RGS12: variants seen among roughly 807,000 people sequenced by gnomAD.
The protein encoded by RGS12 is regulator of G protein signaling 12, also known as regulator of G-protein signaling 12.
RGS12 carries 66 observed loss-of-function variants against 120.1 expected under a neutral mutation model. That is an observed-to-expected ratio of 0.55 (90% CI 0.45 to 0.67). The LOEUF (loss-of-function observed/expected upper bound fraction) is 0.67. Among genes scored for constraint, RGS12 ranks in the 30% least tolerant of loss-of-function variants. RGS12 has a pLI of 0.00. For missense variants in RGS12, 1,859 were observed against 1,957.7 expected, an observed-to-expected ratio of 0.95 and a Z score of 0.95; for synonymous variants, 827 against 804.7, an observed-to-expected ratio of 1.03 and a Z score of -0.47.
intron 2 of RGS12, chr4:3,342,528 A>G: frequency 1.5e-6 from 2 of 1,292,506 alleles, no homozygotes; most frequent in Non-Finnish European, 2.0e-6. Flanking sequence ...CTTTGCTGAA[A>G]ACCTGCCTTC....
intron 4 of RGS12, among the ~76,000 whole-genome samples, chr4:3,393,922 G>T (rs1719782594): frequency 6.6e-6 from 1 of 152,168 alleles, no homozygotes; most frequent in Non-Finnish European, 1.5e-5. Context: ...CCTCTCCCCA[G>T]GCCCGTCCCT....
chr4:3,288,823 TCAGGGGCCC>T (rs1486918280), upstream of RGS12, among the ~76,000 whole-genome samples: 1 of 152,174 alleles, frequency 6.6e-6, no homozygotes, highest in Non-Finnish European at 1.5e-5. This position sits in a 1 kb window ranked among gnomAD's most constrained non-coding sequence, Gnocchi z 5.2. Context: ...GCTGGGGGCC[TCAGGGGCCC>T]CAGGTCCCAG....
chr4:3,393,977 C>A (rs1460579345), intron 4 of RGS12, among the ~76,000 whole-genome samples: 1 of 152,124 alleles, frequency 6.6e-6, no homozygotes, highest in Non-Finnish European at 1.5e-5. Context: ...GGGGAAATGG[C>A]TGGAATTTGG....
At chr4:3,418,756 C>T (rs1210879619) in intron 9 of RGS12, 1 of 152,200 alleles carries the variant, frequency 6.6e-6, no homozygotes, top group Non-Finnish European at 1.5e-5. Flanking sequence ...CGGAGGCCAC[C>T]TGGGAGATGG....
chr4:3,371,945 G>A (rs576650672), intron 3 of RGS12, among the ~76,000 whole-genome samples: 5 of 152,154 alleles, frequency 3.3e-5, no homozygotes, highest in African/African-American at 7.2e-5. Flanking sequence ...AAGAGCACGC[G>A]GGGGAGCTGC....
intron 2 of RGS12, among the ~76,000 whole-genome samples, chr4:3,334,147 A>G (rs527896792): frequency 6.6e-6 from 1 of 152,366 alleles, no homozygotes. Context: ...CTCTTATGAT[A>G]TGTGGAAGTA....
chr4:3,380,834 G>A (rs1157258491), intron 3 of RGS12, among the ~76,000 whole-genome samples: 1 of 152,198 alleles, frequency 6.6e-6, no homozygotes, highest in African/African-American at 2.4e-5. Flanking sequence ...GATGAGAGGG[G>A]CTGCCCCAAA....
chr4:3,362,365 G>A (rs1433739472), intron 3 of RGS12, among the ~76,000 whole-genome samples: 1 of 152,100 alleles, frequency 6.6e-6, no homozygotes, highest in African/African-American at 2.4e-5. Context: ...GAGGGTGTGT[G>A]TGAGGGTGTC....
In RGS12 at chr4:3,302,598, A is replaced by G. The variant is rs1367368039; in HGVS notation, c.-102+9499A>G. Among the ~76,000 whole-genome samples, 3 of 152,068 alleles carry G rather than the reference A, an allele frequency of 2.0e-5. No homozygotes were observed. The East Asian group carries it at 5.8e-4, about 29-fold the overall frequency. Reference sequence around the variant, plus strand: ...AGAAGTGGTTCCTCCTGCCCCTTGCACGGGGGCCTGTGTGTGTGCCCACAG... The same window carrying G: ...AGAAGTGGTTCCTCCTGCCCCTTGCGCGGGGGCCTGTGTGTGTGCCCACAG... On this transcript the variant is annotated intron_variant, in intron 1 of 17. Coordinates refer to ENST00000336727, the MANE Select transcript of RGS12 (RefSeq NM_001394154.1).
At chr4:3,293,479 G>T (rs1302331820) in intron 1 of RGS12, among the ~76,000 whole-genome samples, 1 of 151,576 alleles carries the variant, frequency 6.6e-6, no homozygotes, top group Non-Finnish European at 1.5e-5. Flanking sequence ...AGATGCGCCC[G>T]GGAGCGCTGG....
At chr4:3,286,664 CAG>C in the RGS12 span, among the ~76,000 whole-genome samples, 1 of 152,204 alleles carries the variant, frequency 6.6e-6, no homozygotes, top group Non-Finnish European at 1.5e-5. Context: ...GAATGAGGGT[CAG>C]GGGCAGGAAA....
At chr4:3,287,643 T>C in the RGS12 span, among the ~76,000 whole-genome samples, 1 of 152,250 alleles carries the variant, frequency 6.6e-6, no homozygotes, top group Non-Finnish European at 1.5e-5. Context: ...GGTGACAACG[T>C]CCCTAATTGC....
upstream of RGS12, among the ~76,000 whole-genome samples, chr4:3,292,810 C>T (rs1015216013): frequency 1.4e-3 from 209 of 152,276 alleles, 1 homozygote; most frequent in Middle Eastern, 3.4e-3. Flanking sequence ...AGGCCCCGTC[C>T]CTCGCTTCTT....
At chr4:3,294,824 C>T (rs147684089) in intron 1 of RGS12, among the ~76,000 whole-genome samples, 1,572 of 152,284 alleles carry the variant, frequency 0.01, 22 homozygotes, top group Middle Eastern at 0.034. Flanking sequence ...GAGGGAGGAG[C>T]GACAGGGCAG....
chr4:3,363,278 T>C (rs2108853786), intron 3 of RGS12, among the ~76,000 whole-genome samples: 1 of 152,292 alleles, frequency 6.6e-6, no homozygotes, highest in Non-Finnish European at 1.5e-5. Flanking sequence ...AGTGGCATTA[T>C]GTTAAAATGG....
chr4:3,425,344 G>A lies in RGS12; in HGVS notation c.3235-120G>A, dbSNP rs557110366. 1.7e-4 allele frequency: 147 copies of A among 874,642 alleles called. No individual in the cohort carries two copies. In the South Asian group the frequency reaches 1.9e-3, roughly 11 times the overall value. The allele number at this position is 874,642 out of a possible 1,614,324, so 54.2% of individuals were successfully genotyped here. A position where few individuals can be genotyped will look rare whatever the true frequency, so the allele number is the denominator to read the frequency against. ...CTCAGTCAGGCAGGCCTCACCTCGG[G>A]GCCATCTCCTGCGTGACTCCATCAA... On this transcript the variant is annotated intron_variant, in intron 13 of 17. Transcript: ENST00000336727.
Position 3,423,544 on chromosome 4 carries a change from T to G in RGS12, c.3137T>G (p.Val1046Gly). ...GATCTTGTTCCGATTAACCGGTCAG[T>G]GGGACTCAAGGCCAAGCCCACCAAG... ...RLDLVPINRS[V>G]GLKAKPTKPV... Residue 1046 changes from valine (V) to glycine (G), a missense_variant, in exon 13 of 18, where the codon GTG becomes GGG. Val to Gly is a moderately radical substitution (Grantham distance 109). This residue lies in a region of RGS12 where 375 missense variants were observed against 475.0 expected (regional missense o/e 0.79). Transcript: ENST00000336727. 1 of 1,613,058 alleles carries G rather than the reference T, an allele frequency of 6.2e-7. No homozygotes were observed. Among genetic ancestry groups the G allele is most frequent in the Non-Finnish European group, 8.5e-7 (1 of 1,179,922 alleles).
At position 3,390,783 on chromosome 4, in the gene RGS12, C is replaced by T. The variant is rs1007170345; in HGVS notation, c.2020+4346C>T. 6.6e-6 allele frequency among the ~76,000 whole-genome samples: 1 copy of T among 152,310 alleles called. No individual in the cohort carries two copies. The highest frequency in any genetic ancestry group is 2.1e-4 in the South Asian group (1 of 4,816). On this transcript the variant is annotated intron_variant, in intron 4 of 17. Transcript: ENST00000336727. This position sits in a 1 kb window ranked among gnomAD's most constrained non-coding sequence, Gnocchi z 4.6. Reference sequence around the variant, plus strand: ...CCTTGTTAGCGAACAGGCACTGAGGCCTGGGGAGCTGTCACAAACGGCTGC... The same window carrying T: ...CCTTGTTAGCGAACAGGCACTGAGGTCTGGGGAGCTGTCACAAACGGCTGC...
intron 1 of RGS12, among the ~76,000 whole-genome samples, chr4:3,303,402 C>T (rs1483492965): frequency 6.6e-6 from 1 of 152,230 alleles, no homozygotes; most frequent in Non-Finnish European, 1.5e-5. Context: ...TGCTGGCTCC[C>T]CCAGTCTCAC....
Sources: gnomAD v4.1 joint callset for allele counts (sites outside exome capture counted in the v4.1 genomes callset) on GRCh38, gnomAD v4.1.1 for gene constraint, gnomAD v4.1.1 regional missense constraint, Gnocchi (gnomAD v3.1) non-coding constraint, MANE v1.5 for transcripts, NCBI Gene and HGNC (gene_info 2026-07-23, HGNC 2026-07-21) for gene names.